The following NRG3 variants were observed in gnomAD, a reference collection of about 807,000 sequenced individuals.
NRG3 encodes the protein pro-neuregulin-3, membrane-bound isoform.
Under a neutral mutation model 66.9 loss-of-function variants are expected in NRG3, and 31 were observed. The ratio of observed to expected loss-of-function variants is 0.46; its 90% CI spans 0.35 to 0.63. The LOEUF is 0.63. NRG3 is among the 20% of genes least tolerant of loss of function. The pLI is 0.00. For synonymous variants in NRG3, 393 were observed against 359.4 expected (o/e 1.09, Z -1.06); for missense variants, 910 against 878.9 (o/e 1.04, Z -0.45).
chr10:82,102,133 CATATATATATATATATATAT>C (rs369498870), intron 1 of NRG3, among the ~76,000 whole-genome samples: 1 of 26,294 alleles, frequency 3.8e-5, no homozygotes, highest in African/African-American at 1.6e-4. Context: ...TATGTGTATT[CATATATATATATATATATAT>C]ATATATATAT....
chr10:82,192,130 A>G (rs1201388225), intron 1 of NRG3, among the ~76,000 whole-genome samples: 1 of 152,146 alleles, frequency 6.6e-6, no homozygotes, highest in Admixed American at 6.5e-5. Flanking sequence ...AATTAAGGGG[A>G]AACGCCAGAC....
In NRG3 at chr10:82,170,680, A is replaced by G. The variant is rs550046260; in HGVS notation, c.824-188059A>G. Among the ~76,000 whole-genome samples, 37 of 137,436 alleles carry G rather than the reference A, an allele frequency of 2.7e-4. 2 individuals are homozygous for G. The highest frequency in any genetic ancestry group is 2.1e-4 in the East Asian group (1 of 4,800). 90.2% of individuals were successfully genotyped at this position (137,436 alleles called of 152,430 possible). Reference sequence around the variant, plus strand: ...TATATATATATATATATATATATATATATATATATATATATATGTAAATAT... The same window carrying G: ...TATATATATATATATATATATATATGTATATATATATATATATGTAAATAT... On this transcript the variant is annotated intron_variant, in intron 1 of 8. Coordinates refer to ENST00000372141, the MANE Select transcript of NRG3 (RefSeq NM_001010848.4).
chr10:82,019,116 A>C (rs2061932695), intron 1 of NRG3, among the ~76,000 whole-genome samples: 1 of 152,106 alleles, frequency 6.6e-6, no homozygotes, highest in African/African-American at 2.4e-5. Flanking sequence ...TCCCATCAAT[A>C]CCTAATTTAT....
At chr10:82,265,589 A>G (rs974039292) in intron 1 of NRG3, among the ~76,000 whole-genome samples, 2 of 152,212 alleles carry the variant, frequency 1.3e-5, no homozygotes, top group African/African-American at 2.4e-5. Context: ...GTTCTGAAGT[A>G]TGATTAATTA....
intron 6 of NRG3, among the ~76,000 whole-genome samples, chr10:82,966,291 A>ATGTCC (rs1425573144): frequency 6.6e-6 from 1 of 152,100 alleles, no homozygotes; most frequent in Non-Finnish European, 1.5e-5. Context: ...GGTTCCCCTT[A>ATGTCC]CCTGTGACAG....
intron 3 of NRG3, among the ~76,000 whole-genome samples, chr10:82,865,175 T>C (rs916476295): frequency 1.3e-5 from 2 of 152,208 alleles, no homozygotes; most frequent in Admixed American, 6.5e-5. Flanking sequence ...TATTAGTTCA[T>C]CTAAAATCTA....
At chr10:81,951,815 A>C (rs967870595) in intron 1 of NRG3, among the ~76,000 whole-genome samples, 16 of 152,238 alleles carry the variant, frequency 1.1e-4, no homozygotes, top group African/African-American at 3.9e-4. Flanking sequence ...ATAAAGACAC[A>C]TGCACACATA....
chr10:82,306,439 C>A (rs1031681010), intron 1 of NRG3, among the ~76,000 whole-genome samples: 4 of 151,030 alleles, frequency 2.6e-5, no homozygotes, highest in African/African-American at 9.7e-5. Context: ...TGCGGTGGCT[C>A]ACGCCTGTAA....
chr10:82,904,114 C>G (rs1374646675), intron 4 of NRG3, among the ~76,000 whole-genome samples: 1 of 152,176 alleles, frequency 6.6e-6, no homozygotes, highest in Non-Finnish European at 1.5e-5. Flanking sequence ...GCTTGTCCAA[C>G]CCATGTCCCA....
chr10:81,961,518 C>T (rs1407640270), intron 1 of NRG3, among the ~76,000 whole-genome samples: 1 of 152,082 alleles, frequency 6.6e-6, no homozygotes, highest in African/African-American at 2.4e-5. Flanking sequence ...TACTACTTTG[C>T]ACTTCACACA....
chr10:82,550,768 T>G (rs2044253336), intron 2 of NRG3, among the ~76,000 whole-genome samples: 2 of 152,104 alleles, frequency 1.3e-5, no homozygotes, highest in Admixed American at 1.3e-4. Context: ...AGCTAGAAAT[T>G]GAAGGAGTAT....
At chr10:82,505,159 T>C (rs1206038259) in intron 2 of NRG3, among the ~76,000 whole-genome samples, 1 of 152,190 alleles carries the variant, frequency 6.6e-6, no homozygotes, top group East Asian at 1.9e-4. Flanking sequence ...GAGACTTAAA[T>C]AGAAACAGTA....
chr10:82,456,489 A>C (rs895625084), intron 2 of NRG3, among the ~76,000 whole-genome samples: 6 of 152,082 alleles, frequency 3.9e-5, no homozygotes, highest in African/African-American at 1.2e-4. Flanking sequence ...GTAAGACAAA[A>C]ACACACACAC....
At chr10:82,162,306 C>G (rs2071661601) in intron 1 of NRG3, among the ~76,000 whole-genome samples, 1 of 152,084 alleles carries the variant, frequency 6.6e-6, no homozygotes, top group Non-Finnish European at 1.5e-5. Context: ...ATAAAAGTGT[C>G]AAATCACTCC....
chr10:82,560,857 T>G (rs2133008814), intron 2 of NRG3, among the ~76,000 whole-genome samples: 1 of 152,016 alleles, frequency 6.6e-6, no homozygotes, highest in East Asian at 1.9e-4. Context: ...TTGAAATAAT[T>G]ATATGACTCT....
intron 1 of NRG3, among the ~76,000 whole-genome samples, chr10:82,224,055 C>G (rs2076063493): frequency 6.6e-6 from 1 of 152,178 alleles, no homozygotes; most frequent in African/African-American, 2.4e-5. Context: ...AGGGATGCCA[C>G]CATGTGAGAA....
rs566565150 is a variant in NRG3, at chr10:82,349,184, A to G, written c.824-9555A>G. Among the ~76,000 whole-genome samples the G allele has an allele frequency of 9.4e-5, 14 of 149,636 alleles. 1 individual carries two copies. The South Asian group carries it at 2.9e-3, about 32-fold the overall frequency. ...AGTTTTTCTGTTCTGTTTTTTCCCC[A>G]TCTTTGTGGTTTTATCTACTTTTGG... On this transcript the variant is annotated intron_variant, in intron 1 of 8. Transcript: ENST00000372141.
intron 2 of NRG3, among the ~76,000 whole-genome samples, chr10:82,599,591 T>C (rs2019412): frequency 0.46 from 69,602 of 152,032 alleles, 17,611 homozygotes; most frequent in African/African-American, 0.66. Flanking sequence ...GAGGCAAGTG[T>C]ATCATTGAGT....
intron 2 of NRG3, among the ~76,000 whole-genome samples, chr10:82,688,844 T>G (rs1041335841): frequency 6.6e-6 from 1 of 152,088 alleles, no homozygotes; most frequent in Non-Finnish European, 1.5e-5. Flanking sequence ...ATTTTATTGT[T>G]GTGTATTATA....
Sources: gnomAD v4.1 joint callset for allele counts (sites outside exome capture counted in the v4.1 genomes callset) on GRCh38, gnomAD v4.1.1 for gene constraint, MANE v1.5 for transcripts, NCBI Gene and HGNC (gene_info 2026-07-23, HGNC 2026-07-21) for gene names.